The following GDA variants were observed in gnomAD, a reference collection of about 807,000 sequenced individuals.
GDA encodes the protein guanine deaminase.
GDA carries 18 observed loss-of-function variants against 59.6 expected under a neutral mutation model. The ratio of observed to expected loss-of-function variants is 0.30; its 90% CI spans 0.21 to 0.45. The LOEUF (loss-of-function observed/expected upper bound fraction) is 0.45, where lower values mean the gene tolerates loss of function less well. GDA is among the 20% of genes least tolerant of loss of function. The pLI is 1.00. For synonymous variants in GDA, 201 were observed against 201.1 expected, an observed-to-expected ratio of 1.00 and a Z score of 0.00; for missense variants, 427 against 552.3, an observed-to-expected ratio of 0.77 and a Z score of 2.27.
upstream of GDA, among the ~76,000 whole-genome samples, chr9:72,146,846 C>T (rs1480039784): frequency 2.6e-5 from 4 of 152,142 alleles, no homozygotes; most frequent in African/African-American, 9.7e-5. Flanking sequence ...CAGTATAGCA[C>T]CCAGGGCTTC....
At chr9:72,165,860 T>C (rs547094776) in intron 1 of GDA, among the ~76,000 whole-genome samples, 1 of 151,006 alleles carries the variant, frequency 6.6e-6, no homozygotes, top group African/African-American at 2.4e-5. Flanking sequence ...ATCATGCCAT[T>C]GCACTCCAGC....
At position 72,250,564 on chromosome 9, in the gene GDA, G is replaced by A. The variant is rs1468359995; in HGVS notation, c.*2222G>A. The A allele has an allele frequency of 1.4e-6, 2 of 1,460,012 alleles. No individual in the cohort carries two copies. Among genetic ancestry groups the A allele is most frequent in the African/African-American group, 1.4e-5 (1 of 69,932 alleles). 90.4% of individuals were successfully genotyped at this position (1,460,012 alleles called of 1,614,324 possible). A position where few individuals can be genotyped will look rare whatever the true frequency, so the allele number is the denominator to read the frequency against. On this transcript the variant is annotated 3_prime_UTR_variant, in exon 14 of 14. Coordinates refer to ENST00000358399, the MANE Select transcript of GDA (RefSeq NM_004293.5). ...TGTGTTTTATTTCTCCAAGTGCGGTGTTCCTGAATGTTATGTATGCTTTTT... is the reference window on the plus strand; with the variant it reads ...TGTGTTTTATTTCTCCAAGTGCGGTATTCCTGAATGTTATGTATGCTTTTT...
intron 5 of GDA, among the ~76,000 whole-genome samples, chr9:72,214,251 A>G (rs542058995): frequency 2.8e-4 from 43 of 152,048 alleles, no homozygotes; most frequent in African/African-American, 8.7e-4. Flanking sequence ...TCCATGAAGC[A>G]TCTGTCTTTT....
chr9:72,223,354 T>A, intron 7 of GDA, 127 bp downstream of exon 7: 1 of 599,348 alleles, frequency 1.7e-6, no homozygotes, highest in Non-Finnish European at 3.0e-6. Flanking sequence ...TGAGATATCC[T>A]AGAGTCACAG....
intron 1 of GDA, among the ~76,000 whole-genome samples, chr9:72,184,745 C>G (rs896467500): frequency 6.6e-6 from 1 of 151,954 alleles, no homozygotes; most frequent in African/African-American, 2.4e-5. Context: ...CAGTCCCTGA[C>G]GTTAAAGAAA....
intron 1 of GDA, among the ~76,000 whole-genome samples, chr9:72,140,404 C>T (rs891502057): frequency 6.6e-6 from 1 of 151,998 alleles, no homozygotes; most frequent in Non-Finnish European, 1.5e-5. Flanking sequence ...GGAAAGAGGG[C>T]AGAGAGAGAA....
intron 9 of GDA, chr9:72,228,995 C>T (rs1837959526): frequency 6.6e-6 from 1 of 151,892 alleles, no homozygotes; most frequent in Non-Finnish European, 1.5e-5. Context: ...GATGCCAGTC[C>T]ATGGATGCTA....
rs994967825 is a variant in GDA, at chr9:72,245,290, A to T, written c.1266+12A>T. 5 of 1,594,964 alleles carry T rather than the reference A, an allele frequency of 3.1e-6. No homozygotes were observed. In the African/African-American group the frequency reaches 6.7e-5, roughly 21 times the overall value. On this transcript the variant is annotated intron_variant, in intron 12 of 13. Transcript: ENST00000358399. ...GTGATATTTCTGAGGTAAGTAAAAG[A>T]AAGTTAATCAAAAGGCATTTATTTC...
chr9:72,176,937 T>C (rs1391187548), intron 1 of GDA, among the ~76,000 whole-genome samples: 1 of 152,106 alleles, frequency 6.6e-6, no homozygotes, highest in Non-Finnish European at 1.5e-5. Flanking sequence ...AACACACTAC[T>C]AATTCTGTAG....
At chr9:72,213,620 G>T (rs975912501) in intron 4 of GDA, among the ~76,000 whole-genome samples, 2 of 151,716 alleles carry the variant, frequency 1.3e-5, no homozygotes, top group Admixed American at 6.6e-5. Flanking sequence ...TGGCTAACAC[G>T]GTGAAACCCC....
chr9:72,154,799 C>G (rs1313048025), intron 1 of GDA, among the ~76,000 whole-genome samples: 2 of 152,210 alleles, frequency 1.3e-5, no homozygotes, highest in Non-Finnish European at 2.9e-5. Context: ...GACTGCTTCT[C>G]TAGGGCACAG....
At chr9:72,126,566 CTTTTTT>C (rs72370881) in intron 1 of GDA, among the ~76,000 whole-genome samples, 1 of 133,672 alleles carries the variant, frequency 7.5e-6, no homozygotes. Flanking sequence ...CCTGGTTAGT[CTTTTTT>C]TTTTTTTTTT....
At chr9:72,115,346 A>G (rs940405008) in intron 1 of GDA, among the ~76,000 whole-genome samples, 1 of 152,192 alleles carries the variant, frequency 6.6e-6, no homozygotes, top group African/African-American at 2.4e-5. Context: ...CACAGGTTAC[A>G]TTATGAACCT....
chr9:72,133,308 A>AAATAATAAT (rs1554722433), intron 1 of GDA, among the ~76,000 whole-genome samples: 9 of 101,556 alleles, frequency 8.9e-5, no homozygotes, highest in East Asian at 2.5e-4. Flanking sequence ...AAAAAAAAAA[A>AAATAATAAT]AATAATAATA....
intron 5 of GDA, among the ~76,000 whole-genome samples, chr9:72,215,522 A>C (rs1835995945): frequency 6.6e-6 from 1 of 152,164 alleles, no homozygotes; most frequent in South Asian, 2.1e-4. Context: ...CCTCTCCACA[A>C]AGGTGACCTG....
At chr9:72,200,664 C>T (rs1470329169) in intron 2 of GDA, among the ~76,000 whole-genome samples, 8 of 152,148 alleles carry the variant, frequency 5.3e-5, no homozygotes, top group African/African-American at 9.7e-5. Context: ...CGTTTTATGA[C>T]GGGAGAGAAA....
chr9:72,173,616 C>T (rs1256579966), intron 1 of GDA, among the ~76,000 whole-genome samples: 3 of 151,868 alleles, frequency 2.0e-5, no homozygotes, highest in Non-Finnish European at 4.4e-5. Flanking sequence ...CAGACGTGAG[C>T]CACCAAGCCT....
At chr9:72,144,777 G>C (rs973865343), upstream of GDA, among the ~76,000 whole-genome samples, 1 of 152,082 alleles carries the variant, frequency 6.6e-6, no homozygotes, top group African/African-American at 2.4e-5. Flanking sequence ...TCTCACCTAA[G>C]AACTGGAAAA....
chr9:72,142,572 CAA>C (rs531381103), intron 1 of GDA, among the ~76,000 whole-genome samples: 3 of 135,096 alleles, frequency 2.2e-5, no homozygotes. Flanking sequence ...GACTCCATCT[CAA>C]AAAAAAAAAA....
Sources: allele counts gnomAD v4.1 joint callset (sites outside exome capture counted in the v4.1 genomes callset), GRCh38; gene constraint gnomAD v4.1.1; transcripts MANE v1.5; gene names NCBI Gene and HGNC (gene_info 2026-07-23, HGNC 2026-07-21).